KRR1: variants seen among roughly 807,000 people sequenced by gnomAD.
KRR1 encodes KRR1 small subunit processome component homolog.
A neutral mutation model predicts 50.0 loss-of-function variants in KRR1; 23 were observed. That is an observed-to-expected ratio of 0.46 (90% confidence interval 0.33 to 0.65). KRR1 has a LOEUF of 0.65. KRR1 is among the 30% of genes least tolerant of loss of function. The pLI is 0.02. For synonymous variants in KRR1, 133 were observed against 146.3 expected, an observed-to-expected ratio of 0.91 and a Z score of 0.66; for missense variants, 419 against 442.4, an observed-to-expected ratio of 0.95 and a Z score of 0.47.
At position 75,491,419 on chromosome 12, in the gene KRR1, G is replaced by A. The variant is rs1463128193; in HGVS notation, c.*8390C>T. 6.6e-6 allele frequency: 1 copy of A among 152,162 alleles called. No homozygotes were observed. Among genetic ancestry groups the A allele is most frequent in the Non-Finnish European group, 1.5e-5 (1 of 68,032 alleles). 9.4% of individuals were successfully genotyped at this position (152,162 alleles called of 1,614,324 possible). A position where few individuals can be genotyped will look rare whatever the true frequency, so the allele number is the denominator to read the frequency against. On this transcript the variant is annotated 3_prime_UTR_variant, in exon 10 of 10. Coordinates refer to ENST00000229214, the MANE Select transcript of KRR1 (RefSeq NM_007043.7). ...ATGCTCTTGATGGTACCACCATCCT[G>A]TTGAAGAATTTAGATTGTTCACTAT...
chr12:75,498,641 T>TCAA lies in KRR1; in HGVS notation c.*1165_*1167dup. ...GACTTAGCTTTTTAAAATAAAACTC[T>TCAA]CAACTGTGTCTACCCTTTTAATTTT... On this transcript the variant is annotated 3_prime_UTR_variant, in exon 10 of 10. Coordinates refer to ENST00000229214, the MANE Select transcript of KRR1 (RefSeq NM_007043.7). 7.0e-7 allele frequency: 1 copy of TCAA among 1,437,846 alleles called. No homozygotes were observed. The highest frequency in any genetic ancestry group is 9.8e-7 in the Non-Finnish European group (1 of 1,021,340). 89.1% of individuals were successfully genotyped at this position (1,437,846 alleles called of 1,614,324 possible).
chr12:75,500,449 A>G (rs1393471256), intron 9 of KRR1: 1 of 151,794 alleles, frequency 6.6e-6, no homozygotes, highest in East Asian at 1.9e-4. Context: ...GAAAATTTAA[A>G]GTTTTCCAAA....
At chr12:75,509,586 C>CTTTTT (rs895198427) in intron 1 of KRR1, among the ~76,000 whole-genome samples, 1 of 131,254 alleles carries the variant, frequency 7.6e-6, no homozygotes, top group Non-Finnish European at 1.6e-5. Context: ...ATACACATTT[C>CTTTTT]TTTTTTTTTT....
At chr12:75,501,654 T>G in intron 9 of KRR1, 69 bp downstream of exon 9, 1 of 1,014,516 alleles carries the variant, frequency 9.9e-7, no homozygotes, top group Non-Finnish European at 1.5e-6. Context: ...CTTAAAAAGA[T>G]TCAGACAAAT....
intron 7 of KRR1, chr12:75,502,273 GGA>G (rs1015888678): frequency 3.5e-5 from 10 of 289,460 alleles, no homozygotes; most frequent in Non-Finnish European, 3.2e-5. Flanking sequence ...AGAAGAAACT[GGA>G]GAGAGAGTTT....
intron 6 of KRR1, among the ~76,000 whole-genome samples, chr12:75,504,750 A>G (rs1009200872): frequency 6.6e-6 from 1 of 152,088 alleles, no homozygotes; most frequent in Non-Finnish European, 1.5e-5. Context: ...GGGATATAAC[A>G]GTTCTCTCTC....
At chr12:75,507,886 A>G (rs2046429826) in intron 2 of KRR1, among the ~76,000 whole-genome samples, 3 of 152,132 alleles carry the variant, frequency 2.0e-5, no homozygotes, top group Non-Finnish European at 4.4e-5. Flanking sequence ...GAAAAGTTGG[A>G]CACATCCACA....
chr12:75,499,824 CT>C lies in KRR1; in HGVS notation c.1130del (p.Lys377ArgfsTer12). On this transcript the variant is annotated frameshift_variant, in exon 10 of 10. Coordinates refer to ENST00000229214, the MANE Select transcript of KRR1 (RefSeq NM_007043.7). LOFTEE classifies it high-confidence loss of function. ...TTTGGGTATGTTACTTTTTTTTCTT[CT>C]TTTTCTTTTCATCTGCCTCCATCTT... ...ALKMEADEKKKKKKK is the reference protein window; with the variant it reads ...ALKMEADEKKXKKKK 6.3e-7 allele frequency: 1 copy of C among 1,586,392 alleles called. No homozygotes were observed.
intron 6 of KRR1, 35 bp from the exon 7 acceptor site, chr12:75,504,109 T>G (rs1471527819): frequency 2.7e-6 from 4 of 1,506,140 alleles, no homozygotes; most frequent in Non-Finnish European, 3.6e-6. Context: ...ATTTTTACTT[T>G]CCAAAGTCAC....
Position 75,505,262 on chromosome 12 carries a change from T to C in KRR1, c.604-8A>G, listed in dbSNP as rs2046416751. 6.4e-7 allele frequency: 1 copy of C among 1,568,702 alleles called. No homozygotes were observed. Among genetic ancestry groups the C allele is most frequent in the Non-Finnish European group, 8.6e-7 (1 of 1,159,310 alleles). ...AAGGACTACTTTTCTAACCTGAAATTTGCAAAGAAAAATGAATTAGTCACA... is the reference window on the plus strand; with the variant it reads ...AAGGACTACTTTTCTAACCTGAAATCTGCAAAGAAAAATGAATTAGTCACA... On this transcript the variant is annotated splice_region_variant and splice_polypyrimidine_tract_variant and intron_variant, in intron 5 of 9. Coordinates refer to ENST00000229214, the MANE Select transcript of KRR1 (RefSeq NM_007043.7).
rs1201323624 is a variant in KRR1 at position 75,499,650 on chromosome 12, AATAAT to A, written c.*154_*158del. The A allele has an allele frequency of 5.7e-5, 22 of 389,376 alleles. No individual in the cohort carries two copies. Among genetic ancestry groups the A allele is most frequent in the Non-Finnish European group, 7.5e-5 (17 of 226,050 alleles). The allele number at this position is 389,376 out of a possible 1,614,324, so 24.1% of individuals were successfully genotyped here. A position where few individuals can be genotyped will look rare whatever the true frequency, so the allele number is the denominator to read the frequency against. Reference sequence around the variant, plus strand: ...GTATAAATTTTTCAAAAAATACAATAATAATATAATTTATAAAGAACACTCTTCTA... The same window carrying A: ...GTATAAATTTTTCAAAAAATACAATAATAATTTATAAAGAACACTCTTCTA... On this transcript the variant is annotated 3_prime_UTR_variant, in exon 10 of 10. Coordinates refer to ENST00000229214, the MANE Select transcript of KRR1 (RefSeq NM_007043.7).
chr12:75,508,124 T>C (rs749440294), intron 2 of KRR1, 150 bp downstream of exon 2: 11 of 449,016 alleles, frequency 2.4e-5, no homozygotes, highest in Non-Finnish European at 4.2e-5. Context: ...GAAGAAAACT[T>C]ACTTAAATAG....
rs115305214 is a variant in KRR1 at position 75,507,296 on chromosome 12, T to C, written c.259-380A>G. Reference sequence around the variant, plus strand: ...CAGCTCCAGTCTACCATCTGCTCCATTGGGTAAGAATTGACTTTCCCTTTC... The same window carrying C: ...CAGCTCCAGTCTACCATCTGCTCCACTGGGTAAGAATTGACTTTCCCTTTC... On this transcript the variant is annotated intron_variant, in intron 2 of 9. Transcript: ENST00000229214. Among the ~76,000 whole-genome samples, 923 of 152,312 alleles carry C rather than the reference T, an allele frequency of 6.1e-3. 11 individuals carry two copies. The highest frequency in any genetic ancestry group is 0.021 in the African/African-American group (855 of 41,560).
chr12:75,507,293 C>A (rs565374047), intron 2 of KRR1, among the ~76,000 whole-genome samples: 7 of 152,150 alleles, frequency 4.6e-5, no homozygotes, highest in African/African-American at 9.7e-5. Context: ...ACCATCTGCT[C>A]CATTGGGTAA....
intron 7 of KRR1, chr12:75,502,923 T>G (rs1438079028): frequency 2.0e-5 from 3 of 152,042 alleles, no homozygotes; most frequent in African/African-American, 7.2e-5. Context: ...CCATTGTTTT[T>G]TCACTATGAT....
At position 75,508,222 on chromosome 12, in the gene KRR1, C is replaced by T. The variant is rs1594070370; in HGVS notation, c.258+52G>A. ...GCATTAGCATACATACATTTAAAGG[C>T]ATAAGCAAGAGCAAAGTCTCAAATA... On this transcript the variant is annotated intron_variant, in intron 2 of 9. Coordinates refer to ENST00000229214, the MANE Select transcript of KRR1 (RefSeq NM_007043.7). The T allele has an allele frequency of 3.0e-6, 4 of 1,318,562 alleles. No homozygotes were observed. In the East Asian group the frequency reaches 1.0e-4, roughly 34 times the overall value. The allele number at this position is 1,318,562 out of a possible 1,614,324, so 81.7% of individuals were successfully genotyped here.
At position 75,496,676 on chromosome 12, in the gene KRR1, A is replaced by G. The variant is rs1344437572; in HGVS notation, c.*3133T>C. 1 of 152,170 alleles carries G rather than the reference A, an allele frequency of 6.6e-6. No individual in the cohort carries two copies. The highest frequency in any genetic ancestry group is 6.5e-5 in the Admixed American group (1 of 15,272). The allele number at this position is 152,170 out of a possible 1,614,324, so 9.4% of individuals were successfully genotyped here. ...AAACTGAACTCAGAGCAGCCGGGCT[A>G]GAGTAGGGTGCTTAGAATAGAGGAA... On this transcript the variant is annotated 3_prime_UTR_variant, in exon 10 of 10. Coordinates refer to ENST00000229214, the MANE Select transcript of KRR1 (RefSeq NM_007043.7).
In KRR1 at chr12:75,493,449, CTCCTCT is replaced by C. The variant is rs1310405541; in HGVS notation, c.*6354_*6359del. The stretch of plus-strand genomic sequence containing the variant: ...TAATCTTCCAGTTGCCTGTAATACT[CTCCTCT>C]TCATTTCCCCTGGGCACCATGAACA... On this transcript the variant is annotated 3_prime_UTR_variant, in exon 10 of 10. Transcript: ENST00000229214. 1 of 152,144 alleles carries C rather than the reference CTCCTCT, an allele frequency of 6.6e-6. No homozygotes were observed. The highest frequency in any genetic ancestry group is 1.5e-5 in the Non-Finnish European group (1 of 68,060). 9.4% of individuals were successfully genotyped at this position (152,144 alleles called of 1,614,324 possible). A position where few individuals can be genotyped will look rare whatever the true frequency, so the allele number is the denominator to read the frequency against.
rs981503515 is a variant in KRR1 at position 75,499,701 on chromosome 12, A to C, written c.*108T>G. The C allele has an allele frequency of 1.6e-5, 11 of 671,730 alleles. No individual in the cohort carries two copies. The highest frequency in any genetic ancestry group is 2.3e-6 in the Non-Finnish European group (1 of 438,184). 41.6% of individuals were successfully genotyped at this position (671,730 alleles called of 1,614,324 possible). On this transcript the variant is annotated 3_prime_UTR_variant, in exon 10 of 10. Transcript: ENST00000229214. ...TTCTATGAACAACCACCACCACCAA[A>C]AAAAAAAAAAGCCCTCAGAAAATTT... is the stretch of plus-strand genomic sequence containing the variant.
Sources: allele counts gnomAD v4.1 joint callset (sites outside exome capture counted in the v4.1 genomes callset), GRCh38; gene constraint gnomAD v4.1.1; transcripts MANE v1.5; gene names NCBI Gene and HGNC (gene_info 2026-07-23, HGNC 2026-07-21).